Variants in AACS observed in about 807,000 individuals in gnomAD.
The protein encoded by AACS is acetoacetyl-CoA synthetase.
In AACS, 69 loss-of-function variants were observed where a neutral mutation model predicts 83.1. The observed-to-expected ratio is 0.83, with a 90% confidence interval of 0.68 to 1.01. The LOEUF (loss-of-function observed/expected upper bound fraction) is 1.01. AACS is among the 50% of genes least tolerant of loss of function. The pLI is 0.00. For missense variants in AACS, 866 were observed against 882.2 expected (o/e 0.98, Z 0.23); for synonymous variants, 333 against 343.4 (o/e 0.97, Z 0.33).
chr12:125,076,682 A>G (rs183422923), intron 3 of AACS, 71 bp downstream of exon 3: 12 of 1,581,418 alleles, frequency 7.6e-6, no homozygotes, highest in South Asian at 5.7e-5. Context: ...GCGGTGCCAC[A>G]TATTTGGAGA....
chr12:125,078,358 C>T, intron 3 of AACS: 1 of 455,830 alleles, frequency 2.2e-6, no homozygotes, highest in Non-Finnish European at 4.4e-6. Context: ...TCTCGACGTA[C>T]CATATGGGGC....
chr12:125,137,191 T>G (rs1032785507), intron 17 of AACS, among the ~76,000 whole-genome samples: 1 of 152,162 alleles, frequency 6.6e-6, no homozygotes, highest in Non-Finnish European at 1.5e-5. Flanking sequence ...TTTTATTTTA[T>G]TTTTTTGAGA....
intron 4 of AACS, among the ~76,000 whole-genome samples, chr12:125,088,266 C>G (rs1195059010): frequency 2.1e-5 from 3 of 146,340 alleles, no homozygotes; most frequent in Non-Finnish European, 4.5e-5. Context: ...GGGTCTCACT[C>G]TGTTGCCCAG....
chr12:125,103,987 CA>C (rs71092274), intron 7 of AACS, among the ~76,000 whole-genome samples: 54 of 41,202 alleles, frequency 1.3e-3, no homozygotes, highest in South Asian at 5.0e-3. Context: ...AACTCCGTCT[CA>C]AAAAAAAAAA....
At chr12:125,065,794 G>A in intron 1 of AACS, 77 bp downstream of exon 1, 5 of 1,413,012 alleles carry the variant, frequency 3.5e-6, no homozygotes, top group Middle Eastern at 2.6e-4. Flanking sequence ...TCTCCCCATG[G>A]CTAGTTTCAC....
chr12:125,109,165 T>C (rs1468124299), intron 8 of AACS, among the ~76,000 whole-genome samples: 4 of 152,182 alleles, frequency 2.6e-5, no homozygotes, highest in Non-Finnish European at 5.9e-5. Flanking sequence ...AGTTTCTCAC[T>C]TTGTTGTCCA....
At chr12:125,071,780 C>G (rs1003064274) in intron 1 of AACS, among the ~76,000 whole-genome samples, 2 of 152,208 alleles carry the variant, frequency 1.3e-5, no homozygotes, top group African/African-American at 4.8e-5. Flanking sequence ...ATTGTGGCTG[C>G]ATCCTTCCAG....
rs117143376 is a variant in AACS at position 125,069,918 on chromosome 12, A to T, written c.134-3958A>T. ...TTGGTGTTGACATTCTGAGTACTGC[A>T]CTGTTGTATGACAGATGCAGCTGAC... On this transcript the variant is annotated intron_variant, in intron 1 of 17. Coordinates refer to ENST00000316519, the MANE Select transcript of AACS (RefSeq NM_023928.5). Among the ~76,000 whole-genome samples, 94 of 152,324 alleles carry T rather than the reference A, an allele frequency of 6.2e-4. 1 individual carries two copies. In the East Asian group the frequency reaches 0.017, roughly 28 times the overall value.
rs751385215 is a variant in AACS at position 125,091,503 on chromosome 12, TC to T, written c.554del (p.Pro185ArgfsTer5). 11 of 1,614,216 alleles carry T rather than the reference TC, an allele frequency of 6.8e-6. No homozygotes were observed. In the East Asian group the frequency reaches 2.0e-4, roughly 29 times the overall value. Reference protein sequence around the residue: ...ASIGAIWSSTSPDFGVNGVLD... With the variant: ...ASIGAIWSSTXPDFGVNGVLD... ...CATTGGTGCCATCTGGAGCTCCACG[TC>T]CCCGGACTTCGGTGTGAATGTGAGT... On this transcript the variant is annotated frameshift_variant, in exon 5 of 18. Transcript: ENST00000316519. LOFTEE classifies it high-confidence loss of function.
intron 3 of AACS, among the ~76,000 whole-genome samples, chr12:125,079,547 A>T (rs1956115436): frequency 6.6e-6 from 1 of 151,566 alleles, no homozygotes; most frequent in African/African-American, 2.4e-5. Flanking sequence ...GTGTCCGGCT[A>T]ATTTTTTTTT....
At chr12:125,080,474 C>T (rs1956144989) in intron 3 of AACS, among the ~76,000 whole-genome samples, 1 of 150,548 alleles carries the variant, frequency 6.6e-6, no homozygotes, top group African/African-American at 2.4e-5. Flanking sequence ...TGGGGTGTCT[C>T]TCTCTCTCTC....
At chr12:125,124,493 C>T in intron 10 of AACS, 1 of 591,072 alleles carries the variant, frequency 1.7e-6, no homozygotes. Context: ...GCCCTGCGTG[C>T]TGAAATCAGT....
chr12:125,090,166 TC>T lies in AACS; in HGVS notation c.473-1258del, dbSNP rs539850507. ...CATCATCCATCCATCTATCCATCCA[TC>T]CTGTCTATACATTCTTCTCTCCATC... On this transcript the variant is annotated intron_variant, in intron 4 of 17. Transcript: ENST00000316519. Among the ~76,000 whole-genome samples, 47 of 7,786 alleles carry T rather than the reference TC, an allele frequency of 6.0e-3. 9 individuals are homozygous for T. The highest frequency in any genetic ancestry group is 0.012 in the South Asian group (3 of 254). 5.1% of individuals were successfully genotyped at this position (7,786 alleles called of 152,430 possible).
chr12:125,125,158 G>T, intron 12 of AACS, 134 bp downstream of exon 12: 1 of 1,347,444 alleles, frequency 7.4e-7, no homozygotes, highest in Non-Finnish European at 1.0e-6. Context: ...CCCTTCTCAT[G>T]ATCTGAGGCA....
chr12:125,083,620 T>G (rs1478074434), intron 3 of AACS, among the ~76,000 whole-genome samples: 1 of 152,100 alleles, frequency 6.6e-6, no homozygotes, highest in African/African-American at 2.4e-5. Context: ...TTCTAAAAAA[T>G]TATACTACTG....
rs115871776 is a variant in AACS, at chr12:125,087,646, G to A, written c.472+1203G>A. On this transcript the variant is annotated intron_variant, in intron 4 of 17. Transcript: ENST00000316519. ...GCTTTGGAGCCTTGGTGTTTGGCAC[G>A]GGTGTGCCTCTCCCGAGGGAACTTA... is the stretch of plus-strand genomic sequence containing the variant. 4.4e-3 allele frequency among the ~76,000 whole-genome samples: 674 copies of A among 152,312 alleles called. 9 individuals carry two copies. The highest frequency in any genetic ancestry group is 0.016 in the African/African-American group (646 of 41,570).
chr12:125,085,871 A>T (rs180967985), intron 3 of AACS, among the ~76,000 whole-genome samples: 1 of 152,270 alleles, frequency 6.6e-6, no homozygotes, highest in East Asian at 1.9e-4. Flanking sequence ...GCTGGAGGTC[A>T]GTGGTGTGAT....
rs1222197327 is a variant in AACS at position 125,107,273 on chromosome 12, G to T, written c.915+5G>T. 1 of 1,613,028 alleles carries T rather than the reference G, an allele frequency of 6.2e-7. No homozygotes were observed. Among genetic ancestry groups the T allele is most frequent in the South Asian group, 1.1e-5 (1 of 91,072 alleles). ...TGCATGGTGCATTCCGCTGGGGTAG[G>T]TCTCTGGGGAAGGCTCTGCAGGGCC... is the stretch of plus-strand genomic sequence containing the variant. On this transcript the variant is annotated splice_donor_5th_base_variant and intron_variant, in intron 8 of 17. Coordinates refer to ENST00000316519, the MANE Select transcript of AACS (RefSeq NM_023928.5).
chr12:125,073,906 T>C lies in AACS; in HGVS notation c.164T>C (p.Val55Ala). Residue 55 changes from valine (V) to alanine (A), a missense_variant, in exon 2 of 18, where the codon GTT becomes GCT. Val to Ala is a moderately conservative substitution (Grantham distance 64). Transcript: ENST00000316519. ...ESYDDLYHWS[V>A]ESYSDFWAEF... ...TATGATGACTTGTACCATTGGTCCG[T>C]TGAGTCATATTCAGACTTCTGGGCA... 6.8e-6 allele frequency: 11 copies of C among 1,614,098 alleles called. No homozygotes were observed. The highest frequency in any genetic ancestry group is 9.3e-6 in the Non-Finnish European group (11 of 1,179,960).
Sources: gnomAD v4.1 joint callset for allele counts (sites outside exome capture counted in the v4.1 genomes callset) on GRCh38, gnomAD v4.1.1 for gene constraint, MANE v1.5 for transcripts, NCBI Gene and HGNC (gene_info 2026-07-23, HGNC 2026-07-21) for gene names.